SUSD1: variants seen among roughly 807,000 people sequenced by gnomAD.
SUSD1 encodes sushi domain containing 1.
A neutral mutation model predicts 86.9 loss-of-function variants in SUSD1; 65 were observed. The ratio of observed to expected loss-of-function variants is 0.75; its 90% confidence interval spans 0.61 to 0.92. The LOEUF is 0.92. Among genes scored for constraint, SUSD1 ranks in the 40% least tolerant of loss-of-function variants. The pLI, the probability that SUSD1 is intolerant of heterozygous loss-of-function variation, is 0.00. For synonymous variants in SUSD1, 346 were observed against 350.0 expected, an observed-to-expected ratio of 0.99 and a Z score of 0.13; for missense variants, 850 against 929.7, an observed-to-expected ratio of 0.91 and a Z score of 1.11.
intron 2 of SUSD1, among the ~76,000 whole-genome samples, chr9:112,150,802 T>G (rs1405600444): frequency 6.6e-6 from 1 of 152,148 alleles, no homozygotes; most frequent in Non-Finnish European, 1.5e-5. Context: ...AAATACAGTA[T>G]AAAATGTAAA....
At chr9:112,055,287 G>A (rs1828399451) in intron 14 of SUSD1, among the ~76,000 whole-genome samples, 1 of 152,150 alleles carries the variant, frequency 6.6e-6, no homozygotes, top group African/African-American at 2.4e-5. Context: ...TTAGTCGGGT[G>A]TGATGGCATG....
At chr9:112,078,798 C>A (rs975901820) in intron 11 of SUSD1, 74 bp from the exon 12 acceptor site, 47 of 1,195,256 alleles carry the variant, frequency 3.9e-5, no homozygotes, top group East Asian at 7.2e-5. Flanking sequence ...CTCCCCTTTT[C>A]CTTTTTCTTT....
chr9:112,058,903 C>T (rs1227506305), intron 13 of SUSD1, among the ~76,000 whole-genome samples: 1 of 152,072 alleles, frequency 6.6e-6, no homozygotes, highest in East Asian at 1.9e-4. Flanking sequence ...AAGCAATTCT[C>T]CTGCCTCAGC....
At chr9:112,145,521 G>C (rs563508605) in intron 3 of SUSD1, among the ~76,000 whole-genome samples, 1 of 152,056 alleles carries the variant, frequency 6.6e-6, no homozygotes, top group Admixed American at 6.6e-5. Context: ...ACCTCAAATT[G>C]TCCACCCAGT....
chr9:112,093,485 C>A (rs987351873), intron 10 of SUSD1, among the ~76,000 whole-genome samples: 4 of 152,198 alleles, frequency 2.6e-5, no homozygotes, highest in African/African-American at 7.2e-5. Context: ...ACAGACCCAA[C>A]TGCCCATATT....
intron 1 of SUSD1, among the ~76,000 whole-genome samples, chr9:112,165,407 CTTTTTT>C (rs34075174): frequency 8.4e-6 from 1 of 119,474 alleles, no homozygotes; most frequent in Non-Finnish European, 1.7e-5. Context: ...GTCTTTGACA[CTTTTTT>C]TTTTTTTTTT....
Position 112,098,544 on chromosome 9 carries a change from T to A in SUSD1, c.1400A>T (p.Tyr467Phe). The change falls in exon 10 of 17, where the codon TAT (tyrosine) becomes TTT (phenylalanine). Residue 467 changes from tyrosine to phenylalanine, a missense_variant. Tyr to Phe is a conservative substitution (Grantham distance 22, BLOSUM62 3). Transcript: ENST00000374270. ...VCLDLYPTTDYTVNVTLLRSP... is the reference protein window; with the variant it reads ...VCLDLYPTTDFTVNVTLLRSP... ...TCTCAGCAGGGTCACATTCACCGTA[T>A]AATCAGTCGTAGGGTACAGATCCAA... 1 of 1,614,070 alleles carries A rather than the reference T, an allele frequency of 6.2e-7. No homozygotes were observed. Among genetic ancestry groups the A allele is most frequent in the Non-Finnish European group, 8.5e-7 (1 of 1,180,020 alleles).
At chr9:112,102,426 GAC>G (rs1336288283) in intron 8 of SUSD1, 141 bp from the exon 9 acceptor site, 1 of 442,744 alleles carries the variant, frequency 2.3e-6, no homozygotes, top group African/African-American at 2.0e-5. Flanking sequence ...GGCATCAGCA[GAC>G]TTAGCTTCAA....
chr9:112,135,580 T>C (rs1333663423), intron 5 of SUSD1, among the ~76,000 whole-genome samples: 1 of 152,234 alleles, frequency 6.6e-6, no homozygotes, highest in African/African-American at 2.4e-5. Flanking sequence ...TATCAAAAGA[T>C]AACATTAAAA....
intron 8 of SUSD1, among the ~76,000 whole-genome samples, chr9:112,103,625 T>C (rs9408837): frequency 0.14 from 21,268 of 152,172 alleles, 1,892 homozygotes; most frequent in East Asian, 0.29. Context: ...TGGCTCCCAC[T>C]TCCCACGCCC....
chr9:112,172,898 C>A (rs1049874806), intron 1 of SUSD1, among the ~76,000 whole-genome samples: 1 of 152,158 alleles, frequency 6.6e-6, no homozygotes, highest in African/African-American at 2.4e-5. Context: ...TTCATAAAAC[C>A]AGGTTCTCCA....
intron 6 of SUSD1, among the ~76,000 whole-genome samples, chr9:112,114,140 G>T (rs538050667): frequency 1.3e-5 from 2 of 152,212 alleles, no homozygotes; most frequent in East Asian, 3.9e-4. Context: ...TACTAGCAAT[G>T]AGCAGTCCAA....
chr9:112,163,402 A>T (rs1833650228), intron 1 of SUSD1, among the ~76,000 whole-genome samples: 2 of 152,038 alleles, frequency 1.3e-5, no homozygotes, highest in Admixed American at 1.3e-4. Flanking sequence ...CCTGGCCTCA[A>T]ATAATCCTCC....
chr9:112,070,383 A>C (rs901592493), intron 12 of SUSD1, among the ~76,000 whole-genome samples: 2 of 152,212 alleles, frequency 1.3e-5, no homozygotes, highest in Non-Finnish European at 2.9e-5. Flanking sequence ...GTTCTCAGCC[A>C]CATTTCGAGG....
At chr9:112,077,289 G>A (rs990460213) in intron 12 of SUSD1, among the ~76,000 whole-genome samples, 1 of 151,968 alleles carries the variant, frequency 6.6e-6, no homozygotes. Flanking sequence ...AAGGAGGAAC[G>A]GCAGGGCTGA....
At chr9:112,052,127 CAA>C (rs1439653593) in intron 15 of SUSD1, 50 of 1,387,384 alleles carry the variant, frequency 3.6e-5, no homozygotes, top group Non-Finnish European at 4.1e-5. Flanking sequence ...AGAACTGAAA[CAA>C]GAGAAAAATA....
intron 4 of SUSD1, 115 bp from the exon 5 acceptor site, chr9:112,142,614 T>G (rs1832628563): frequency 3.2e-6 from 3 of 952,208 alleles, no homozygotes; most frequent in Non-Finnish European, 4.7e-6. Context: ...AGCCATATTT[T>G]AAGTACACTG....
chr9:112,171,070 T>C (rs1589762533), intron 1 of SUSD1, among the ~76,000 whole-genome samples: 1 of 152,172 alleles, frequency 6.6e-6, no homozygotes. Flanking sequence ...AGGAACTCTG[T>C]AGCAATCAGC....
chr9:112,044,216 T>C (rs943446823), intron 15 of SUSD1, among the ~76,000 whole-genome samples: 17 of 152,208 alleles, frequency 1.1e-4, no homozygotes, highest in Non-Finnish European at 1.0e-4. Flanking sequence ...AGTATTAGAA[T>C]AGGAATGAAT....
Sources: gnomAD v4.1 joint callset for allele counts (sites outside exome capture counted in the v4.1 genomes callset) on GRCh38, gnomAD v4.1.1 for gene constraint, MANE v1.5 for transcripts, NCBI Gene and HGNC (gene_info 2026-07-23, HGNC 2026-07-21) for gene names.